Variants in MGAM observed in about 807,000 individuals in gnomAD.
The protein encoded by MGAM is maltase-glucoamylase.
Under a neutral mutation model 358.8 loss-of-function variants are expected in MGAM, and 253 were observed. That is an observed-to-expected ratio of 0.71 (90% CI 0.64 to 0.78). MGAM has a LOEUF of 0.78. Among genes scored for constraint, MGAM ranks in the 30% least tolerant of loss-of-function variants. MGAM has a pLI of 0.00. For missense variants in MGAM, 3,080 were observed against 3,432.6 expected, an observed-to-expected ratio of 0.90 and a Z score of 2.57; for synonymous variants, 1,105 against 1,227.1, an observed-to-expected ratio of 0.90 and a Z score of 2.08.
At chr7:141,999,478 T>C (rs1584891426) in intron 1 of MGAM, among the ~76,000 whole-genome samples, 2 of 152,226 alleles carry the variant, frequency 1.3e-5, no homozygotes, top group African/African-American at 4.8e-5. Context: ...CCTTATCAGC[T>C]GTATGATGAC....
chr7:142,093,693 A>G (rs1815619986), intron 60 of MGAM, 143 bp downstream of exon 60: 2 of 1,018,478 alleles, frequency 2.0e-6, no homozygotes, highest in African/African-American at 3.1e-5. Context: ...CTTATTAGAT[A>G]AACACTTAGT....
At chr7:142,055,910 G>C in intron 28 of MGAM, 90 bp from the exon 29 acceptor site, 1 of 1,468,844 alleles carries the variant, frequency 6.8e-7, no homozygotes, top group Non-Finnish European at 9.3e-7. Flanking sequence ...GAGAAAACTA[G>C]AGCCATGTTA....
intron 45 of MGAM, among the ~76,000 whole-genome samples, chr7:142,074,744 G>A (rs548194569): frequency 2.7e-5 from 4 of 146,356 alleles, no homozygotes; most frequent in African/African-American, 9.7e-5. Context: ...GCTTGGCCTT[G>A]GAGACTCTTG....
At chr7:142,036,395 C>A in intron 17 of MGAM, 110 bp downstream of exon 17, 1 of 812,508 alleles carries the variant, frequency 1.2e-6, no homozygotes, top group Non-Finnish European at 2.0e-6. Flanking sequence ...CTGGTCTTCA[C>A]TTACTCTAAT....
chr7:142,096,440 G>C, intron 65 of MGAM, 25 bp downstream of exon 65: 5 of 1,612,346 alleles, frequency 3.1e-6, no homozygotes, highest in Non-Finnish European at 4.2e-6. Context: ...CTCCGATGAG[G>C]GGAGGATCCC....
intron 57 of MGAM, among the ~76,000 whole-genome samples, chr7:142,089,310 T>C (rs1482185065): frequency 6.8e-6 from 1 of 146,574 alleles, no homozygotes; most frequent in East Asian, 2.0e-4. Context: ...CAGTGGGCAG[T>C]GGGCAGGGAT....
intron 15 of MGAM, 89 bp downstream of exon 15, chr7:142,034,468 A>G (rs1807800579): frequency 1.8e-6 from 2 of 1,088,832 alleles, no homozygotes; most frequent in South Asian, 1.6e-5. Flanking sequence ...GGGCTAATGC[A>G]TAAAATTTCT....
At chr7:142,053,707 A>G (rs1358664359) in intron 26 of MGAM, among the ~76,000 whole-genome samples, 2 of 152,144 alleles carry the variant, frequency 1.3e-5, no homozygotes, top group Non-Finnish European at 2.9e-5. Context: ...TAGTGCTGTA[A>G]TGTTATTGAC....
In MGAM at chr7:142,093,383, A is replaced by G. The variant is rs1407899157; in HGVS notation, c.7034-29A>G. On this transcript the variant is annotated intron_variant, in intron 59 of 70. Coordinates refer to ENST00000475668, the MANE Select transcript of MGAM (RefSeq NM_001365693.1). ...CAGGGAGAAACAGAATCAGGGCTGG[A>G]TTTCACCTCACCAGTTCTTCCTCCT... 7 of 1,521,822 alleles carry G rather than the reference A, an allele frequency of 4.6e-6. 1 individual carries two copies. The highest frequency in any genetic ancestry group is 2.7e-5 in the African/African-American group (2 of 73,988). The allele number at this position is 1,521,822 out of a possible 1,614,324, so 94.3% of individuals were successfully genotyped here.
chr7:142,059,902 C>T lies in MGAM; in HGVS notation c.3995C>T (p.Thr1332Ile). The T allele has an allele frequency of 4.3e-6, 7 of 1,611,508 alleles. No homozygotes were observed. The highest frequency in any genetic ancestry group is 5.1e-6 in the Non-Finnish European group (6 of 1,178,870). The change falls in exon 33 of 71, where the codon ACT (threonine) becomes ATT (isoleucine). Residue 1332 changes from threonine to isoleucine, a missense_variant. Around this residue, in one of 5 missense-constraint regions of MGAM, gnomAD observed 1,816 missense variants for 1,840.5 expected, o/e 0.99. Coordinates refer to ENST00000475668, the MANE Select transcript of MGAM (RefSeq NM_001365693.1). ...GNETQPYPAF[T>I]RGVEDDVFIK... ...GAGACACAGCCTTATCCTGCCTTCACTCGGGGCGTGGAGGATGACGTCTTC... is the reference window on the plus strand; with the variant it reads ...GAGACACAGCCTTATCCTGCCTTCATTCGGGGCGTGGAGGATGACGTCTTC...
Position 142,052,295 on chromosome 7 carries a change from T to C in MGAM, c.2807T>C (p.Val936Ala). ...PTVTYDSNLK[V>A]AIITDIDLLL... ...CTTATGATTTCCACATTCCTACAGG[T>C]TGCCATTATCACAGATATTGATCTT... Residue 936 changes from valine to alanine, a missense_variant and splice_region_variant, in exon 25 of 71, where the codon GTT becomes GCT. Val to Ala is a moderately conservative substitution (Grantham distance 64). This residue lies in a region of MGAM where 1,816 missense variants were observed against 1,840.5 expected (regional missense o/e 0.99). Transcript: ENST00000475668. 6.2e-7 allele frequency: 1 copy of C among 1,602,660 alleles called. No homozygotes were observed.
chr7:142,103,502 T>A, intron 70 of MGAM, 63 bp downstream of exon 70: 1 of 1,384,396 alleles, frequency 7.2e-7, no homozygotes, highest in Non-Finnish European at 9.5e-7. Context: ...GTGCAGTGCC[T>A]GACTGCTTCC....
intron 19 of MGAM, among the ~76,000 whole-genome samples, chr7:142,039,130 G>A (rs1262120998): frequency 6.2e-5 from 9 of 144,038 alleles, no homozygotes; most frequent in Middle Eastern, 3.7e-3. Context: ...TTTTGAGATG[G>A]AGTCTCACTC....
intron 21 of MGAM, among the ~76,000 whole-genome samples, chr7:142,041,122 C>T (rs957065280): frequency 1.3e-5 from 2 of 152,066 alleles, no homozygotes; most frequent in African/African-American, 4.8e-5. Context: ...ACTCTCCTCC[C>T]TCCTAGAATT....
intron 2 of MGAM, among the ~76,000 whole-genome samples, chr7:141,989,783 T>C (rs1803866188): frequency 6.6e-6 from 1 of 152,144 alleles, no homozygotes; most frequent in Non-Finnish European, 1.5e-5. Flanking sequence ...AAATTTAACA[T>C]GAAAATACTC....
intron 2 of MGAM, among the ~76,000 whole-genome samples, chr7:141,988,368 TTTTTG>T (rs2128968652): frequency 6.8e-6 from 1 of 146,226 alleles, no homozygotes; most frequent in Non-Finnish European, 1.5e-5. Flanking sequence ...TTGTTGTCGT[TTTTTG>T]TTTTGTTTTG....
intron 4 of MGAM, among the ~76,000 whole-genome samples, chr7:142,020,603 A>ATATAT (rs374028790): frequency 1.3e-4 from 17 of 132,620 alleles, no homozygotes; most frequent in African/African-American, 3.4e-4. Flanking sequence ...ATATATATAT[A>ATATAT]TTTTTTTTTT....
chr7:142,094,928 T>C, intron 63 of MGAM, 65 bp downstream of exon 63: 1 of 1,517,146 alleles, frequency 6.6e-7, no homozygotes, highest in Non-Finnish European at 9.0e-7. Context: ...TGACCTAAAG[T>C]TAATGCAGTC....
intron 24 of MGAM, among the ~76,000 whole-genome samples, chr7:142,051,741 C>T (rs1242622566): frequency 3.3e-5 from 5 of 152,018 alleles, no homozygotes; most frequent in African/African-American, 4.8e-5. Flanking sequence ...TTATTATGCC[C>T]TGTATGCCTG....
Sources: allele counts gnomAD v4.1 joint callset (sites outside exome capture counted in the v4.1 genomes callset), GRCh38; gene constraint gnomAD v4.1.1; regional missense constraint gnomAD v4.1.1; transcripts MANE v1.5; gene names NCBI Gene and HGNC (gene_info 2026-07-23, HGNC 2026-07-21).